The following FRMD4B variants were observed in gnomAD, a reference collection of about 807,000 sequenced individuals.
The protein encoded by FRMD4B is FERM domain-containing protein 4B.
Under a neutral mutation model 141.5 loss-of-function variants are expected in FRMD4B, and 74 were observed. The ratio of observed to expected loss-of-function variants is 0.52; its 90% confidence interval spans 0.43 to 0.63. The LOEUF (loss-of-function observed/expected upper bound fraction) is 0.63. FRMD4B is among the 30% of genes least tolerant of loss of function. The probability of loss-of-function intolerance (pLI) is 0.00; values close to 1 mark genes in which losing one functional copy is unlikely to be tolerated. For missense variants in FRMD4B, 1,366 were observed against 1,253.4 expected, an observed-to-expected ratio of 1.09 and a Z score of -1.36; for synonymous variants, 506 against 467.9, an observed-to-expected ratio of 1.08 and a Z score of -1.05.
intron 8 of FRMD4B, among the ~76,000 whole-genome samples, chr3:69,222,695 C>T (rs1240584504): frequency 6.6e-6 from 1 of 151,988 alleles, no homozygotes; most frequent in East Asian, 1.9e-4. Context: ...CACTTGAACC[C>T]AGGAGGTGGA....
At chr3:69,509,367 T>C (rs757943033) in intron 1 of FRMD4B, among the ~76,000 whole-genome samples, 1 of 152,222 alleles carries the variant, frequency 6.6e-6, no homozygotes, top group Non-Finnish European at 1.5e-5. Context: ...TAGGAATTTT[T>C]GCAAAAGCTA....
chr3:69,197,552 T>C (rs1452946865), intron 12 of FRMD4B, among the ~76,000 whole-genome samples: 2 of 72,450 alleles, frequency 2.8e-5, no homozygotes, highest in Middle Eastern at 7.6e-3. Flanking sequence ...GTACACCAGA[T>C]GGAAAGAGGA....
chr3:69,240,330 A>G (rs542059334), intron 7 of FRMD4B, among the ~76,000 whole-genome samples: 1 of 151,300 alleles, frequency 6.6e-6, no homozygotes, highest in South Asian at 2.1e-4. Context: ...AAATACAAAA[A>G]ATTAGTCGGG....
chr3:69,489,434 T>C (rs978363200), intron 1 of FRMD4B, among the ~76,000 whole-genome samples: 4 of 152,086 alleles, frequency 2.6e-5, no homozygotes, highest in African/African-American at 9.7e-5. Flanking sequence ...AGGATTTGAA[T>C]AGGCATTTCT....
intron 11 of FRMD4B, 76 bp downstream of exon 11, chr3:69,216,187 G>T: frequency 2.4e-6 from 2 of 816,896 alleles, no homozygotes; most frequent in Non-Finnish European, 4.1e-6. Context: ...CAACCTAATG[G>T]TGTGTGCTTT....
At chr3:69,336,378 C>T (rs1702551976) in intron 1 of FRMD4B, 1 of 152,190 alleles carries the variant, frequency 6.6e-6, no homozygotes, top group Non-Finnish European at 1.5e-5. Context: ...GGGCTAGAAT[C>T]ATTCACTGCA....
intron 1 of FRMD4B, among the ~76,000 whole-genome samples, chr3:69,356,078 AC>A (rs1703312061): frequency 6.6e-6 from 1 of 152,198 alleles, no homozygotes; most frequent in Non-Finnish European, 1.5e-5. Context: ...CTTTGGGGAC[AC>A]CATCCAAATA....
intron 5 of FRMD4B, among the ~76,000 whole-genome samples, chr3:69,279,584 T>A (rs1388569218): frequency 6.6e-6 from 1 of 152,120 alleles, no homozygotes; most frequent in Non-Finnish European, 1.5e-5. Context: ...CCCAGCCTCC[T>A]GAGTAGCTAG....
intron 1 of FRMD4B, among the ~76,000 whole-genome samples, chr3:69,491,953 T>C (rs1170024023): frequency 6.6e-6 from 1 of 152,158 alleles, no homozygotes; most frequent in African/African-American, 2.4e-5. Context: ...AGATCAGAGA[T>C]TATACCTAAG....
Position 69,171,750 on chromosome 3 carries a change from C to T in FRMD4B, c.*111G>A, listed in dbSNP as rs1354278449. 2 of 1,040,118 alleles carry T rather than the reference C, an allele frequency of 1.9e-6. No homozygotes were observed. Among genetic ancestry groups the T allele is most frequent in the African/African-American group, 1.6e-5 (1 of 62,862 alleles). The allele number at this position is 1,040,118 out of a possible 1,614,324, so 64.4% of individuals were successfully genotyped here. On this transcript the variant is annotated 3_prime_UTR_variant, in exon 23 of 23. Transcript: ENST00000398540. ...CAGGGCAACTAAGTCTTCTCTTCAA[C>T]CTTTGATGTCTTTAGGTTTCTAAAA...
At chr3:69,245,873 T>A (rs1391420023) in intron 7 of FRMD4B, among the ~76,000 whole-genome samples, 2 of 138,846 alleles carry the variant, frequency 1.4e-5, no homozygotes, top group Non-Finnish European at 3.1e-5. Flanking sequence ...GTTTCACTCT[T>A]GTTGCCCAGG....
chr3:69,187,704 T>C, intron 19 of FRMD4B, 66 bp downstream of exon 19: 1 of 1,459,620 alleles, frequency 6.9e-7, no homozygotes, highest in Non-Finnish European at 9.4e-7. Flanking sequence ...CAACCATACA[T>C]TGCATTTTGG....
At chr3:69,248,163 C>T (rs2093437098) in intron 7 of FRMD4B, among the ~76,000 whole-genome samples, 1 of 151,830 alleles carries the variant, frequency 6.6e-6, no homozygotes, top group Non-Finnish European at 1.5e-5. Flanking sequence ...TTTTAAACTC[C>T]TGCCCCTTTC....
chr3:69,287,768 T>G lies in FRMD4B; in HGVS notation c.485A>C (p.Lys162Thr). ...TTVELFFLNA[K>T]ACVHKGQIEV... ...GGCACCTACCTTGTGCACACAGGCC[T>G]TTGCATTCAGGAAAAACAGCTCCAC... Residue 162 changes from lysine to threonine, a missense_variant, in exon 5 of 23, where the codon AAG becomes ACG. By Grantham distance (78) the Lys-to-Thr change is moderately conservative. Coordinates refer to ENST00000398540, the MANE Select transcript of FRMD4B (RefSeq NM_015123.3). 1 of 1,593,738 alleles carries G rather than the reference T, an allele frequency of 6.3e-7. No homozygotes were observed. Among genetic ancestry groups the G allele is most frequent in the East Asian group, 2.2e-5 (1 of 44,748 alleles).
chr3:69,377,931 C>T (rs1704015762), intron 1 of FRMD4B, among the ~76,000 whole-genome samples: 1 of 151,888 alleles, frequency 6.6e-6, no homozygotes, highest in South Asian at 2.1e-4. Context: ...CTGCCTCAGC[C>T]TCCCGAGTAG....
chr3:69,223,197 TTA>T (rs1223220159), intron 8 of FRMD4B, among the ~76,000 whole-genome samples: 6 of 152,168 alleles, frequency 3.9e-5, no homozygotes, highest in African/African-American at 1.4e-4. Flanking sequence ...CTAGTTCTCA[TTA>T]GTAATGTCTT....
chr3:69,413,960 A>G (rs1219143588), intron 2 of FRMD4B, among the ~76,000 whole-genome samples: 1 of 152,102 alleles, frequency 6.6e-6, no homozygotes, highest in East Asian at 1.9e-4. Flanking sequence ...GGGATTTGGA[A>G]CCTTCTGGAA....
intron 1 of FRMD4B, among the ~76,000 whole-genome samples, chr3:69,377,816 C>CTT (rs35903288): frequency 8.9e-5 from 13 of 145,596 alleles, no homozygotes; most frequent in African/African-American, 3.0e-4. Context: ...TCTTCTTCTT[C>CTT]TTTTTTTTTT....
chr3:69,308,084 C>T (rs1399110077), intron 3 of FRMD4B, among the ~76,000 whole-genome samples: 4 of 152,172 alleles, frequency 2.6e-5, no homozygotes, highest in Non-Finnish European at 4.4e-5. Context: ...GTCTGTGTGA[C>T]GCCTGCTCCA....
Sources: allele counts gnomAD v4.1 joint callset (sites outside exome capture counted in the v4.1 genomes callset), GRCh38; gene constraint gnomAD v4.1.1; transcripts MANE v1.5; gene names NCBI Gene and HGNC (gene_info 2026-07-23, HGNC 2026-07-21).